ERGIC1: variants seen among roughly 807,000 people sequenced by gnomAD.
ERGIC1 encodes endoplasmic reticulum-golgi intermediate compartment 1.
In ERGIC1, 19 loss-of-function variants were observed where a neutral mutation model predicts 38.3. The observed-to-expected ratio is 0.50, with a 90% CI of 0.35 to 0.73. The LOEUF is 0.73. Ranked by LOEUF, ERGIC1 falls within the 30% of genes least tolerant of loss-of-function variation. ERGIC1 has a pLI of 0.01. For synonymous variants in ERGIC1, 124 were observed against 157.6 expected (o/e 0.79, Z 1.60); for missense variants, 294 against 389.2 (o/e 0.76, Z 2.06).
At chr5:172,921,245 A>G (rs923879719) in intron 5 of ERGIC1, among the ~76,000 whole-genome samples, 2 of 152,248 alleles carry the variant, frequency 1.3e-5, no homozygotes, top group African/African-American at 4.8e-5. Context: ...GCTTGGGGCC[A>G]AGTGTAGAAC....
In ERGIC1 at chr5:172,897,441, AAAAG is replaced by A. The variant is rs57386871; in HGVS notation, c.155+369_155+372del. ...AAGACCCTGTTTCAAAAAAAAAAAA[AAAAG>A]AGAGAGAGAGGAGTCTTAAAAAGGA... On this transcript the variant is annotated intron_variant, in intron 3 of 9. Coordinates refer to ENST00000393784, the MANE Select transcript of ERGIC1 (RefSeq NM_001031711.3). Among the ~76,000 whole-genome samples, 1,012 of 119,542 alleles carry A rather than the reference AAAAG, an allele frequency of 8.5e-3. 8 individuals are homozygous for A. Among genetic ancestry groups the A allele is most frequent in the African/African-American group, 0.033 (932 of 28,538 alleles). 78.4% of individuals were successfully genotyped at this position (119,542 alleles called of 152,430 possible). A position where few individuals can be genotyped will look rare whatever the true frequency, so the allele number is the denominator to read the frequency against.
chr5:172,906,861 A>G (rs189084857), intron 3 of ERGIC1, among the ~76,000 whole-genome samples: 6 of 152,210 alleles, frequency 3.9e-5, no homozygotes, highest in Admixed American at 3.3e-4. Context: ...GGGGAATCAG[A>G]TGCGGCCATC....
At chr5:172,860,154 G>A (rs199641780) in intron 1 of ERGIC1, among the ~76,000 whole-genome samples, 1 of 25,632 alleles carries the variant, frequency 3.9e-5, no homozygotes, top group Non-Finnish European at 1.6e-4. Flanking sequence ...AGGTGAACAA[G>A]ACATGTCTCC....
intron 2 of ERGIC1, among the ~76,000 whole-genome samples, chr5:172,890,506 C>G (rs6896475): frequency 0.27 from 40,785 of 152,062 alleles, 6,149 homozygotes; most frequent in African/African-American, 0.41. Context: ...GCTAACATAA[C>G]GGGAAGCCCA....
In ERGIC1 at chr5:172,914,787, G is replaced by T. The variant is rs753288214; in HGVS notation, c.324G>T (p.Pro108=). Residue 108 remains proline (P), a synonymous_variant, in exon 5 of 10, where the codon CCG becomes CCT. Coordinates refer to ENST00000393784, the MANE Select transcript of ERGIC1 (RefSeq NM_001031711.3). The stretch of plus-strand genomic sequence containing the variant: ...ACATCGACAACTCCATGAAGATCCC[G>T]CTGAACAATGGGGCAGGCTGCCGCT... ...VGHIDNSMKI[P]LNNGAGCRFE... 3.1e-6 allele frequency: 5 copies of T among 1,614,034 alleles called. No individual in the cohort carries two copies. Among genetic ancestry groups the T allele is most frequent in the Non-Finnish European group, 3.4e-6 (4 of 1,180,046 alleles).
rs573924264 is a variant in ERGIC1, at chr5:172,869,133, G to T, written c.21-19566G>T. On this transcript the variant is annotated intron_variant, in intron 1 of 9. Coordinates refer to ENST00000393784, the MANE Select transcript of ERGIC1 (RefSeq NM_001031711.3). ...TGGTTGCTGTTGGGTGACTAGCAGAGGCTGAGGGAATGGCAGGCATGCCAG... is the reference window on the plus strand; with the variant it reads ...TGGTTGCTGTTGGGTGACTAGCAGATGCTGAGGGAATGGCAGGCATGCCAG... 1.4e-3 allele frequency among the ~76,000 whole-genome samples: 213 copies of T among 152,372 alleles called. 2 individuals carry two copies. The highest frequency in any genetic ancestry group is 4.9e-3 in the African/African-American group (204 of 41,598).
chr5:172,918,044 C>G (rs1386254589), intron 5 of ERGIC1: 2 of 152,206 alleles, frequency 1.3e-5, no homozygotes, highest in Non-Finnish European at 2.9e-5. Context: ...GTAGTCACAG[C>G]TACTCGGGAG....
chr5:172,856,457 G>A (rs1761551092), intron 1 of ERGIC1, among the ~76,000 whole-genome samples: 1 of 152,148 alleles, frequency 6.6e-6, no homozygotes, highest in African/African-American at 2.4e-5. Flanking sequence ...GAGATGAGTT[G>A]GAGTGAAGTC....
intron 2 of ERGIC1, 38 bp downstream of exon 2, chr5:172,888,798 CT>C: frequency 6.4e-7 from 1 of 1,559,594 alleles, no homozygotes; most frequent in East Asian, 2.2e-5. Context: ...TCTGCCCCAT[CT>C]CCACTGCCTG....
intron 8 of ERGIC1, 80 bp downstream of exon 8, chr5:172,932,616 C>A: frequency 1.4e-6 from 2 of 1,388,336 alleles, no homozygotes; most frequent in East Asian, 2.4e-5. Flanking sequence ...GGCGGCTGCA[C>A]CGACGCACTT....
intron 1 of ERGIC1, among the ~76,000 whole-genome samples, chr5:172,877,410 ATG>A (rs34909688): frequency 0.39 from 39,056 of 99,838 alleles, 8,521 homozygotes; most frequent in Middle Eastern, 0.51. Context: ...TATTATATAT[ATG>A]TGTGTGTGTG....
intron 2 of ERGIC1, among the ~76,000 whole-genome samples, chr5:172,893,905 A>ATATATATATGTGTGTGTGTGTGTGTG (rs1173039695): frequency 2.6e-4 from 4 of 15,540 alleles, no homozygotes; most frequent in Non-Finnish European, 4.2e-4. Context: ...ATATATATAT[A>ATATATATATGTGTGTGTGTGTGTGTG]TGTGTGTGTG....
intron 1 of ERGIC1, among the ~76,000 whole-genome samples, chr5:172,877,582 G>GAC (rs1223162076): frequency 6.8e-6 from 1 of 147,220 alleles, no homozygotes; most frequent in African/African-American, 2.5e-5. Context: ...CTGACACAGG[G>GAC]ACACACACAT....
chr5:172,838,901 A>G (rs1020464571), intron 1 of ERGIC1, among the ~76,000 whole-genome samples: 2 of 152,244 alleles, frequency 1.3e-5, no homozygotes, highest in African/African-American at 4.8e-5. Context: ...TTCTTCCAGA[A>G]AGAATTCCAA....
chr5:172,893,880 T>TACACAC (rs1477423267), intron 2 of ERGIC1, among the ~76,000 whole-genome samples: 1 of 16,144 alleles, frequency 6.2e-5, no homozygotes, highest in East Asian at 4.0e-3. Context: ...TATATATATA[T>TACACAC]ATATATATAT....
At chr5:172,881,207 A>G (rs1490472185) in intron 1 of ERGIC1, among the ~76,000 whole-genome samples, 9 of 152,122 alleles carry the variant, frequency 5.9e-5, no homozygotes, top group East Asian at 1.9e-4. Context: ...AGATCACGCC[A>G]TTGCACTCCA....
At chr5:172,924,292 G>A (rs1220033826) in intron 6 of ERGIC1, among the ~76,000 whole-genome samples, 183 bp downstream of exon 6, 1 of 152,226 alleles carries the variant, frequency 6.6e-6, no homozygotes, top group African/African-American at 2.4e-5. Context: ...CCTAGGCAGG[G>A]GGCGTCTCAA....
In ERGIC1 at chr5:172,854,118, C is replaced by T. The variant is rs557182330; in HGVS notation, c.20+19685C>T. Among the ~76,000 whole-genome samples, 7 of 152,114 alleles carry T rather than the reference C, an allele frequency of 4.6e-5. No homozygotes were observed. In the South Asian group the frequency reaches 6.2e-4, roughly 14 times the overall value. On this transcript the variant is annotated intron_variant, in intron 1 of 9. Transcript: ENST00000393784. Reference sequence around the variant, plus strand: ...ACAGCAGGCAGGGCAAGGTGGCTCACGCCTATAATCCCAGCACTTTGGGAG... The same window carrying T: ...ACAGCAGGCAGGGCAAGGTGGCTCATGCCTATAATCCCAGCACTTTGGGAG...
intron 9 of ERGIC1, among the ~76,000 whole-genome samples, chr5:172,942,999 G>C (rs915881456): frequency 2.6e-5 from 4 of 152,126 alleles, no homozygotes; most frequent in Admixed American, 2.6e-4. Flanking sequence ...AGGGCAGGTG[G>C]GCTAACAGAA....
Sources: allele counts gnomAD v4.1 joint callset (sites outside exome capture counted in the v4.1 genomes callset), GRCh38; gene constraint gnomAD v4.1.1; transcripts MANE v1.5; gene names NCBI Gene and HGNC (gene_info 2026-07-23, HGNC 2026-07-21).